The following INPP4A variants were observed in gnomAD, a reference collection of about 807,000 sequenced individuals.
INPP4A encodes inositol polyphosphate-4-phosphatase, type I, 107kD.
A neutral mutation model predicts 119.8 loss-of-function variants in INPP4A; 33 were observed. The observed-to-expected ratio is 0.28, with a 90% CI of 0.21 to 0.37. INPP4A has a LOEUF of 0.37. Ranked by LOEUF, INPP4A falls within the 10% of genes least tolerant of loss-of-function variation. INPP4A has a pLI of 1.00. For missense variants in INPP4A, 956 were observed against 1,289.9 expected (o/e 0.74, Z 3.97); for synonymous variants, 496 against 500.7 (o/e 0.99, Z 0.12).
intron 10 of INPP4A, among the ~76,000 whole-genome samples, chr2:98,542,810 TC>T (rs1691721362): frequency 6.6e-6 from 1 of 151,884 alleles, no homozygotes; most frequent in South Asian, 2.1e-4. Context: ...TTCCTCCTCT[TC>T]CCCCTTCCCC....
chr2:98,469,364 G>T (rs2104801195), intron 1 of INPP4A, among the ~76,000 whole-genome samples: 2 of 152,232 alleles, frequency 1.3e-5, no homozygotes, highest in Middle Eastern at 6.8e-3. Context: ...GGGTGTGGTG[G>T]CTGGCATGCG....
chr2:98,545,047 G>T (rs972863878), intron 11 of INPP4A, among the ~76,000 whole-genome samples: 2 of 152,212 alleles, frequency 1.3e-5, no homozygotes, highest in Non-Finnish European at 2.9e-5. Context: ...CTTGAGAATT[G>T]TGTTGAAGTG....
chr2:98,467,916 T>TAG (rs1330365545), intron 1 of INPP4A, among the ~76,000 whole-genome samples: 1 of 152,220 alleles, frequency 6.6e-6, no homozygotes, highest in Admixed American at 6.5e-5. Context: ...AGTACCAACT[T>TAG]AGTGGTAATT....
rs551367537 is a variant in INPP4A at position 98,520,120 on chromosome 2, C to T, written c.72C>T (p.Asp24=). 8.3e-6 allele frequency: 13 copies of T among 1,565,494 alleles called. No homozygotes were observed. Among genetic ancestry groups the T allele is most frequent in the African/African-American group, 4.1e-5 (3 of 73,858 alleles). Residue 24 remains aspartate, a synonymous_variant, in exon 3 of 25, where the codon GAC becomes GAT. Coordinates refer to ENST00000409851, the MANE Select transcript of INPP4A (RefSeq NM_001134225.2). ...ARAMQRASTI[D]VAADMLGLSL... ...CAATGCAGCGGGCTTCCACCATCGACGTGGCGGCCGACATGCTGGGCCTCT... is the reference window on the plus strand; with the variant it reads ...CAATGCAGCGGGCTTCCACCATCGATGTGGCGGCCGACATGCTGGGCCTCT...
chr2:98,447,963 C>A (rs537813105), intron 1 of INPP4A, among the ~76,000 whole-genome samples: 1 of 147,498 alleles, frequency 6.8e-6, no homozygotes, highest in African/African-American at 2.5e-5. Context: ...AGGAGAATGG[C>A]GTGAACCTGG....
chr2:98,503,419 T>C (rs527930893), intron 1 of INPP4A, among the ~76,000 whole-genome samples: 1 of 152,372 alleles, frequency 6.6e-6, no homozygotes, highest in South Asian at 2.1e-4. Flanking sequence ...TCCTGTTTCC[T>C]GAGTGAGTGC....
intron 1 of INPP4A, among the ~76,000 whole-genome samples, chr2:98,474,549 C>T (rs1394001876): frequency 6.6e-6 from 1 of 152,184 alleles, no homozygotes; most frequent in Non-Finnish European, 1.5e-5. Context: ...AATGGCCTGC[C>T]CGGGCCCTCC....
At chr2:98,553,889 C>T (rs796660510) in intron 14 of INPP4A, among the ~76,000 whole-genome samples, 1 of 152,174 alleles carries the variant, frequency 6.6e-6, no homozygotes, top group African/African-American at 2.4e-5. Context: ...ACAATTGAAC[C>T]AAAGTAAGGC....
At chr2:98,457,561 A>G (rs535034695) in intron 1 of INPP4A, among the ~76,000 whole-genome samples, 1 of 152,364 alleles carries the variant, frequency 6.6e-6, no homozygotes, top group South Asian at 2.1e-4. Flanking sequence ...TGTCATGGGA[A>G]CTAGCAGCCT....
rs749286893 is a variant in INPP4A, at chr2:98,537,863, G to A, written c.468G>A (p.Arg156=). 1 of 1,606,494 alleles carries A rather than the reference G, an allele frequency of 6.2e-7. No homozygotes were observed. The highest frequency in any genetic ancestry group is 1.3e-5 in the African/African-American group (1 of 74,744). The stretch of plus-strand genomic sequence containing the variant: ...CATTAAAGCATGTTGTGCATCACAG[G>A]TCTGCAGAGAGTGACCGTGTAGGTA... ...DRHHRLHLTL[R]SAESDRVGNI... Residue 156 remains arginine (R), a splice_region_variant and synonymous_variant, in exon 8 of 25, where the codon AGG becomes AGA. Coordinates refer to ENST00000409851, the MANE Select transcript of INPP4A (RefSeq NM_001134225.2).
Position 98,554,535 on chromosome 2 carries a change from GA to G in INPP4A, c.1566+50del. On this transcript the variant is annotated intron_variant, in intron 15 of 24. Transcript: ENST00000409851. The surrounding 1 kb of genome is among the most constrained non-coding windows in gnomAD (Gnocchi z 4.7). ...GTCATCCCACTGCTGAACTTGGGCT[GA>G]AAACCACAAAACCTGTTGCCAGTCT... The G allele has an allele frequency of 6.5e-7, 1 of 1,546,220 alleles. No homozygotes were observed.
intron 1 of INPP4A, among the ~76,000 whole-genome samples, chr2:98,448,333 G>A (rs1694608343): frequency 1.4e-5 from 2 of 140,552 alleles, no homozygotes; most frequent in South Asian, 4.6e-4. Context: ...TCTAGCCTAG[G>A]CAGCAGAGTG....
At chr2:98,571,871 C>T (rs1195217009) in intron 22 of INPP4A, 1 of 152,588 alleles carries the variant, frequency 6.6e-6, no homozygotes, top group Non-Finnish European at 1.5e-5. Context: ...CTCCCCTCCT[C>T]TGGGCTCCCA....
At chr2:98,490,685 A>T (rs1166935010) in intron 1 of INPP4A, among the ~76,000 whole-genome samples, 1 of 152,106 alleles carries the variant, frequency 6.6e-6, no homozygotes, top group Non-Finnish European at 1.5e-5. Context: ...AGGACTCCAC[A>T]TCTTGCCCTA....
At chr2:98,504,198 G>A (rs1468015147) in intron 1 of INPP4A, among the ~76,000 whole-genome samples, 1 of 152,194 alleles carries the variant, frequency 6.6e-6, no homozygotes, top group African/African-American at 2.4e-5. Context: ...ACACAGCCGA[G>A]TAGCTGAAGC....
chr2:98,466,127 C>T (rs1275207140), intron 1 of INPP4A, among the ~76,000 whole-genome samples: 1 of 152,222 alleles, frequency 6.6e-6, no homozygotes, highest in African/African-American at 2.4e-5. Flanking sequence ...CTCACTGCAA[C>T]CTCTGTCTCC....
At chr2:98,489,836 G>A (rs890000762) in intron 1 of INPP4A, among the ~76,000 whole-genome samples, 3 of 151,890 alleles carry the variant, frequency 2.0e-5, no homozygotes, top group African/African-American at 7.3e-5. Flanking sequence ...TGAATCATGT[G>A]GAATTACACA....
At chr2:98,470,828 C>A (rs1051821357) in intron 1 of INPP4A, among the ~76,000 whole-genome samples, 1 of 152,000 alleles carries the variant, frequency 6.6e-6, no homozygotes, top group African/African-American at 2.4e-5. Flanking sequence ...CCACCACGCC[C>A]GGCTAATTTT....
intron 21 of INPP4A, among the ~76,000 whole-genome samples, chr2:98,567,568 T>C (rs1696697817): frequency 6.6e-6 from 1 of 152,214 alleles, no homozygotes; most frequent in Non-Finnish European, 1.5e-5. Flanking sequence ...CCCACAGACT[T>C]GCAGGAGCAG....
Sources: gnomAD v4.1 joint callset for allele counts (sites outside exome capture counted in the v4.1 genomes callset) on GRCh38, gnomAD v4.1.1 for gene constraint, Gnocchi (gnomAD v3.1) non-coding constraint, MANE v1.5 for transcripts, NCBI Gene and HGNC (gene_info 2026-07-23, HGNC 2026-07-21) for gene names.